Variants in MYRFL observed in about 807,000 individuals in gnomAD.
MYRFL encodes myelin regulatory factor-like protein.
Under a neutral mutation model 109.4 loss-of-function variants are expected in MYRFL, and 88 were observed. The observed-to-expected ratio is 0.80, with a 90% CI of 0.68 to 0.96. The LOEUF is 0.96. Among genes scored for constraint, MYRFL ranks in the 40% least tolerant of loss-of-function variants. MYRFL has a pLI of 0.00. For synonymous variants in MYRFL, 324 were observed against 320.9 expected, an observed-to-expected ratio of 1.01 and a Z score of -0.10; for missense variants, 957 against 954.9, an observed-to-expected ratio of 1.00 and a Z score of -0.03.
chr12:69,887,119 T>C, intron 6 of MYRFL, 149 bp downstream of exon 6: 1 of 811,220 alleles, frequency 1.2e-6, no homozygotes, highest in Non-Finnish European at 1.8e-6. Context: ...ATTTTTTACA[T>C]CCTAACAAAT....
intron 23 of MYRFL, 124 bp downstream of exon 23, chr12:69,958,066 A>T: frequency 7.3e-7 from 1 of 1,372,818 alleles, no homozygotes; most frequent in African/African-American, 1.5e-5. Context: ...TTGTGTCCTT[A>T]TGAAGTTGCC....
chr12:69,891,818 G>C (rs1389946175), intron 7 of MYRFL, among the ~76,000 whole-genome samples: 2 of 151,696 alleles, frequency 1.3e-5, no homozygotes, highest in African/African-American at 4.8e-5. Context: ...CTCCCAAATA[G>C]CTGGGACCAC....
chr12:69,958,862 T>G lies in MYRFL; in HGVS notation c.*331T>G, dbSNP rs1956153171. 4.6e-6 allele frequency: 1 copy of G among 217,666 alleles called. No individual in the cohort carries two copies. The highest frequency in any genetic ancestry group is 8.8e-5 in the South Asian group (1 of 11,364). The allele number at this position is 217,666 out of a possible 1,614,324, so 13.5% of individuals were successfully genotyped here. ...CAAAATAAGGAGATCTAGCCTCTAT[T>G]TTGTTTTAATGTATTTTAAAGCTTT... On this transcript the variant is annotated 3_prime_UTR_variant, in exon 25 of 25. Transcript: ENST00000552032.
intron 5 of MYRFL, among the ~76,000 whole-genome samples, chr12:69,885,857 AC>A (rs1886415340): frequency 6.6e-6 from 1 of 152,106 alleles, no homozygotes; most frequent in African/African-American, 2.4e-5. Flanking sequence ...AAGTGCTTTC[AC>A]TTCCATTATG....
intron 13 of MYRFL, among the ~76,000 whole-genome samples, chr12:69,914,560 T>C (rs1001246406): frequency 1.3e-5 from 2 of 152,204 alleles, no homozygotes; most frequent in African/African-American, 2.4e-5. Flanking sequence ...ATTAGTTCTC[T>C]CCCTTGTTTC....
intron 2 of MYRFL, among the ~76,000 whole-genome samples, chr12:69,859,644 A>G (rs1413317596): frequency 6.6e-6 from 1 of 152,194 alleles, no homozygotes; most frequent in Non-Finnish European, 1.5e-5. Flanking sequence ...GAAGACATTT[A>G]TGCAGCCAAA....
intron 13 of MYRFL, among the ~76,000 whole-genome samples, chr12:69,926,032 C>T (rs1955062282): frequency 7.3e-6 from 1 of 136,802 alleles, no homozygotes; most frequent in Admixed American, 6.8e-5. Flanking sequence ...TTAGGGAGAA[C>T]TAGAGTCATT....
chr12:69,886,245 C>T (rs1027265345), intron 5 of MYRFL, among the ~76,000 whole-genome samples: 3 of 152,106 alleles, frequency 2.0e-5, no homozygotes, highest in Non-Finnish European at 4.4e-5. Flanking sequence ...GACTGGTGCC[C>T]TTCATTTTTA....
chr12:69,851,721 C>T (rs924285461), intron 1 of MYRFL, among the ~76,000 whole-genome samples: 5 of 152,174 alleles, frequency 3.3e-5, no homozygotes, highest in African/African-American at 4.8e-5. Flanking sequence ...TGCAGTGGTG[C>T]GATCATGGCT....
intron 2 of MYRFL, among the ~76,000 whole-genome samples, chr12:69,868,886 TCA>T (rs763795851): frequency 2.3e-4 from 35 of 151,580 alleles, no homozygotes; most frequent in African/African-American, 6.3e-4. Flanking sequence ...ACACATGCAC[TCA>T]CACACACGTA....
intron 1 of MYRFL, among the ~76,000 whole-genome samples, chr12:69,834,408 C>A (rs1452440140): frequency 6.6e-6 from 1 of 152,140 alleles, no homozygotes; most frequent in Non-Finnish European, 1.5e-5. Flanking sequence ...GGTATGCAGG[C>A]TAATGGTGTA....
chr12:69,876,593 G>A (rs755085316), intron 2 of MYRFL, among the ~76,000 whole-genome samples: 8 of 152,066 alleles, frequency 5.3e-5, no homozygotes, highest in African/African-American at 7.2e-5. Context: ...TTGTTTGTTC[G>A]TGTTTAAAAA....
At chr12:69,838,372 C>A (rs1347414246) in intron 1 of MYRFL, among the ~76,000 whole-genome samples, 1 of 152,144 alleles carries the variant, frequency 6.6e-6, no homozygotes, top group Non-Finnish European at 1.5e-5. Context: ...TGTTTTTCTT[C>A]TTCATCTTCC....
chr12:69,876,980 G>A (rs1592740203), intron 2 of MYRFL, among the ~76,000 whole-genome samples: 1 of 126,132 alleles, frequency 7.9e-6, no homozygotes, highest in East Asian at 2.0e-4. Context: ...ACAGGGTGGG[G>A]AAGCTAATAT....
rs557100014 is a variant in MYRFL at position 69,910,931 on chromosome 12, G to A, written c.1602+1G>A. The A allele has an allele frequency of 5.2e-6, 8 of 1,529,138 alleles. No homozygotes were observed. The East Asian group carries it at 2.0e-4, about 37-fold the overall frequency. 94.7% of individuals were successfully genotyped at this position (1,529,138 alleles called of 1,614,324 possible). ...GGAGAACTTCCTCATGGTGGATAAG[G>A]TAATCACTGAAAAGATATCAGCTGC... On this transcript the variant is annotated splice_donor_variant, in intron 13 of 24. Transcript: ENST00000552032. LOFTEE classifies it high-confidence loss of function.
intron 14 of MYRFL, among the ~76,000 whole-genome samples, chr12:69,927,203 C>G (rs1359266186): frequency 6.6e-6 from 1 of 151,964 alleles, no homozygotes; most frequent in Non-Finnish European, 1.5e-5. Flanking sequence ...CCTCGGCCTC[C>G]CAAAGTGCTG....
In MYRFL at chr12:69,955,414, T is replaced by C. The variant is rs1423600094; in HGVS notation, c.2427T>C (p.Asn809=). The change falls in exon 22 of 25, where the codon AAT becomes AAC. Residue 809 remains asparagine (N), a synonymous_variant. Coordinates refer to ENST00000552032, the MANE Select transcript of MYRFL (RefSeq NM_182530.3). ...CTGTTAATAAACACACACCCACCAA[T>C]GTCAAGTTCTCTCTGGAAATAAAGT... is the stretch of plus-strand genomic sequence containing the variant. The part of the protein sequence containing the change: ...NIPVNKHTPT[N]VKFSLEINTT... 1.5e-6 allele frequency: 1 copy of C among 655,604 alleles called. No homozygotes were observed. The highest frequency in any genetic ancestry group is 1.8e-5 in the African/African-American group (1 of 54,800). The allele number at this position is 655,604 out of a possible 1,614,324, so 40.6% of individuals were successfully genotyped here. A position where few individuals can be genotyped will look rare whatever the true frequency, so the allele number is the denominator to read the frequency against.
Position 69,929,014 on chromosome 12 carries a change from G to A in MYRFL, c.1830+1266G>A, listed in dbSNP as rs566753066. On this transcript the variant is annotated intron_variant, in intron 15 of 24. Coordinates refer to ENST00000552032, the MANE Select transcript of MYRFL (RefSeq NM_182530.3). ...TAACTAGAATATATGGCTCATGAGA[G>A]CAGGCCCTGTGTCTGCCTTCCTCAC... Among the ~76,000 whole-genome samples, 3 of 152,288 alleles carry A rather than the reference G, an allele frequency of 2.0e-5. No homozygotes were observed. The East Asian group carries it at 5.8e-4, about 29-fold the overall frequency.
At chr12:69,887,440 T>C (rs1366667588) in intron 6 of MYRFL, among the ~76,000 whole-genome samples, 2 of 152,214 alleles carry the variant, frequency 1.3e-5, no homozygotes, top group African/African-American at 4.8e-5. Flanking sequence ...TCGTGGTAGA[T>C]GGTTTCTTTA....
Sources: gnomAD v4.1 joint callset for allele counts (sites outside exome capture counted in the v4.1 genomes callset) on GRCh38, gnomAD v4.1.1 for gene constraint, MANE v1.5 for transcripts, NCBI Gene and HGNC (gene_info 2026-07-23, HGNC 2026-07-21) for gene names.